The following PACRG variants were observed in gnomAD, a reference collection of about 807,000 sequenced individuals.
PACRG encodes the protein parkin coregulated.
In PACRG, 29 loss-of-function variants were observed where a neutral mutation model predicts 29.7. That is an observed-to-expected ratio of 0.98 (90% CI 0.73 to 1.33). The LOEUF is 1.33. PACRG is among the 40% of genes most tolerant of loss of function. The pLI, the probability that PACRG is intolerant of heterozygous loss-of-function variation, is 0.00. For synonymous variants in PACRG, 116 were observed against 118.7 expected, an observed-to-expected ratio of 0.98 and a Z score of 0.15; for missense variants, 279 against 316.2, an observed-to-expected ratio of 0.88 and a Z score of 0.89.
rs9458777 is a variant in PACRG, at chr6:163,289,924, C to T, written c.614-24903C>T. ...GTGCAGTGGTGCCATCTCGGCTCAC[C>T]GCAACCTCCGCCTCCCAGGTTCAAG... On this transcript the variant is annotated intron_variant, in intron 4 of 4. Transcript: ENST00000366888. Among the ~76,000 whole-genome samples the T allele has an allele frequency of 6.8e-3, 1,030 of 151,964 alleles. 13 individuals carry two copies. Among genetic ancestry groups the T allele is most frequent in the African/African-American group, 0.023 (971 of 41,420 alleles).
intron 2 of PACRG, among the ~76,000 whole-genome samples, chr6:162,818,570 G>A (rs1224014880): frequency 6.6e-6 from 1 of 152,142 alleles, no homozygotes; most frequent in Non-Finnish European, 1.5e-5. Context: ...GAGAGAAAGA[G>A]ATGAAGATAA....
intron 4 of PACRG, among the ~76,000 whole-genome samples, chr6:163,202,440 T>C (rs1032835341): frequency 6.6e-6 from 1 of 152,152 alleles, no homozygotes; most frequent in Non-Finnish European, 1.5e-5. Context: ...TATGTGAGCA[T>C]GTATGAGCAT....
intron 4 of PACRG, among the ~76,000 whole-genome samples, chr6:163,135,547 A>G (rs559876017): frequency 6.6e-6 from 1 of 152,332 alleles, no homozygotes; most frequent in African/African-American, 2.4e-5. Context: ...CAATTTATCC[A>G]TTTATTTGAT....
intron 2 of PACRG, among the ~76,000 whole-genome samples, chr6:162,877,241 A>G (rs924394620): frequency 1.3e-5 from 2 of 152,204 alleles, no homozygotes; most frequent in African/African-American, 4.8e-5. Context: ...TACACTGTGG[A>G]ATACTATGCA....
intron 4 of PACRG, among the ~76,000 whole-genome samples, chr6:163,258,176 A>G (rs191609538): frequency 6.6e-6 from 1 of 152,274 alleles, no homozygotes; most frequent in East Asian, 1.9e-4. Flanking sequence ...ACAACTTTTT[A>G]TCATGGTAGA....
chr6:163,269,351 G>A (rs1783649055), intron 4 of PACRG, among the ~76,000 whole-genome samples: 2 of 152,174 alleles, frequency 1.3e-5, no homozygotes, highest in African/African-American at 4.8e-5. Flanking sequence ...TCTGCCTGGG[G>A]ACTTGAAGCT....
chr6:162,998,059 C>T (rs1804242946), intron 2 of PACRG, among the ~76,000 whole-genome samples: 1 of 152,278 alleles, frequency 6.6e-6, no homozygotes, highest in Non-Finnish European at 1.5e-5. Flanking sequence ...ATAGTACCTA[C>T]CGTAAAGAAT....
chr6:162,858,214 G>A (rs1468937702), intron 2 of PACRG, among the ~76,000 whole-genome samples: 1 of 152,144 alleles, frequency 6.6e-6, no homozygotes, highest in African/African-American at 2.4e-5. Flanking sequence ...CATGGCGGGG[G>A]AGGCCTCAGG....
chr6:162,859,755 C>T (rs1342889948), intron 2 of PACRG, among the ~76,000 whole-genome samples: 2 of 152,128 alleles, frequency 1.3e-5, no homozygotes, highest in African/African-American at 4.8e-5. Context: ...TACATTAGGT[C>T]GTACCCCCTT....
chr6:162,921,990 T>G lies in PACRG; in HGVS notation c.291+107709T>G, dbSNP rs538242255. Among the ~76,000 whole-genome samples, 8 of 152,174 alleles carry G rather than the reference T, an allele frequency of 5.3e-5. No homozygotes were observed. In the South Asian group the frequency reaches 1.7e-3, roughly 32 times the overall value. On this transcript the variant is annotated intron_variant, in intron 2 of 4. Coordinates refer to ENST00000366888, the MANE Select transcript of PACRG (RefSeq NM_001080379.2). ...TCCTGAAGTTCGCCGCTGTCTTAAG[T>G]CTCTGCCATTTTTCCTTGTCTAGTT... is the stretch of plus-strand genomic sequence containing the variant.
chr6:163,010,751 C>T (rs970317394), intron 2 of PACRG, among the ~76,000 whole-genome samples: 8 of 152,164 alleles, frequency 5.3e-5, no homozygotes, highest in Non-Finnish European at 1.0e-4. Flanking sequence ...GTATCAGGCA[C>T]GGTGCTGGGC....
rs141799886 is a variant in PACRG, at chr6:163,273,445, C to T, written c.614-41382C>T. On this transcript the variant is annotated intron_variant, in intron 4 of 4. Coordinates refer to ENST00000366888, the MANE Select transcript of PACRG (RefSeq NM_001080379.2). ...GTGGTATTCTCATGTCTGGACCTAG[C>T]GACTTTTTCTTTTTGATTAGACAAG... Among the ~76,000 whole-genome samples the T allele has an allele frequency of 5.3e-5, 8 of 152,160 alleles. No individual in the cohort carries two copies. In the East Asian group the frequency reaches 9.6e-4, roughly 18 times the overall value.
At chr6:163,116,464 G>A (rs998154062) in intron 4 of PACRG, among the ~76,000 whole-genome samples, 5 of 152,140 alleles carry the variant, frequency 3.3e-5, no homozygotes, top group African/African-American at 4.8e-5. Flanking sequence ...AAATGGGGGG[G>A]ATGTGTCTGG....
At chr6:163,216,151 T>A (rs114869240) in intron 4 of PACRG, among the ~76,000 whole-genome samples, 1,709 of 152,302 alleles carry the variant, frequency 0.011, 40 homozygotes, top group African/African-American at 0.038. Context: ...TTTTCCTGTG[T>A]TGTCTAATAG....
At chr6:162,884,015 G>A (rs1049540450) in intron 2 of PACRG, among the ~76,000 whole-genome samples, 2 of 151,948 alleles carry the variant, frequency 1.3e-5, no homozygotes, top group African/African-American at 4.8e-5. Context: ...GTAGCTTACC[G>A]AAGCCTTGAC....
intron 4 of PACRG, among the ~76,000 whole-genome samples, chr6:163,298,265 A>G (rs1326609773): frequency 6.6e-6 from 1 of 152,158 alleles, no homozygotes; most frequent in African/African-American, 2.4e-5. Context: ...GAAAAAAAAA[A>G]AAGCCCACAC....
chr6:163,073,649 C>T (rs1812279605), intron 3 of PACRG, among the ~76,000 whole-genome samples: 1 of 152,176 alleles, frequency 6.6e-6, no homozygotes, highest in Non-Finnish European at 1.5e-5. Flanking sequence ...AGAGACATCT[C>T]ACAGAATGGG....
At chr6:163,040,694 C>T (rs1202506417) in intron 2 of PACRG, among the ~76,000 whole-genome samples, 1 of 152,186 alleles carries the variant, frequency 6.6e-6, no homozygotes, top group East Asian at 1.9e-4. Context: ...AATGACTGCC[C>T]AGCCAGTTTT....
chr6:162,963,710 T>C (rs1420909998), intron 2 of PACRG, among the ~76,000 whole-genome samples: 3 of 150,028 alleles, frequency 2.0e-5, no homozygotes, highest in Admixed American at 1.3e-4. Flanking sequence ...ATTTTATACA[T>C]ATAAAATTAT....
Sources: gnomAD v4.1 joint callset for allele counts (sites outside exome capture counted in the v4.1 genomes callset) on GRCh38, gnomAD v4.1.1 for gene constraint, MANE v1.5 for transcripts, NCBI Gene and HGNC (gene_info 2026-07-23, HGNC 2026-07-21) for gene names.